Variants in CHRM3 observed in about 807,000 individuals in gnomAD.
The protein encoded by CHRM3 is muscarinic acetylcholine receptor M3.
A neutral mutation model predicts 41.8 loss-of-function variants in CHRM3; 11 were observed. The ratio of observed to expected loss-of-function variants is 0.26; its 90% confidence interval spans 0.17 to 0.44. The LOEUF (loss-of-function observed/expected upper bound fraction) is 0.44, where lower values mean the gene tolerates loss of function less well. Among genes scored for constraint, CHRM3 ranks in the 20% least tolerant of loss-of-function variants. The pLI is 1.00. For missense variants in CHRM3, 571 were observed against 745.4 expected (o/e 0.77, Z 2.72); for synonymous variants, 297 against 301.4 (o/e 0.99, Z 0.15).
At chr1:239,895,188 A>G (rs1190714921) in intron 6 of CHRM3, among the ~76,000 whole-genome samples, 1 of 152,204 alleles carries the variant, frequency 6.6e-6, no homozygotes, top group Non-Finnish European at 1.5e-5. Flanking sequence ...CTGCCCACGT[A>G]TGTAGGGATG....
intron 5 of CHRM3, among the ~76,000 whole-genome samples, chr1:239,821,186 T>C (rs956884182): frequency 1.2e-4 from 19 of 152,206 alleles, no homozygotes; most frequent in African/African-American, 4.3e-4. Flanking sequence ...AAAGGCCTGT[T>C]AACTCTATGG....
Position 239,406,175 on chromosome 1 carries a change from C to A in CHRM3, c.-521+18948C>A, listed in dbSNP as rs554959620. The stretch of plus-strand genomic sequence containing the variant: ...AAAGTGCTGGGATTACAGGCGTGAG[C>A]CACCGTGCCTGGCTGAAGTTCTTTT... On this transcript the variant is annotated intron_variant, in intron 1 of 6. Transcript: ENST00000676153. 3.2e-4 allele frequency among the ~76,000 whole-genome samples: 48 copies of A among 152,302 alleles called. 1 individual carries two copies. The Middle Eastern group carries it at 0.01, about 32-fold the overall frequency.
At chr1:239,899,151 A>T (rs1481110898) in intron 6 of CHRM3, among the ~76,000 whole-genome samples, 1 of 152,144 alleles carries the variant, frequency 6.6e-6, no homozygotes, top group Non-Finnish European at 1.5e-5. Context: ...GCAAAAATTT[A>T]ATGAAGTGAT....
At chr1:239,868,310 G>T (rs1489556692) in intron 6 of CHRM3, among the ~76,000 whole-genome samples, 1 of 152,138 alleles carries the variant, frequency 6.6e-6, no homozygotes, top group Non-Finnish European at 1.5e-5. Flanking sequence ...TGGGCATGTT[G>T]ATTTTACAGC....
chr1:239,749,931 A>T (rs1665671951), intron 5 of CHRM3, among the ~76,000 whole-genome samples: 1 of 152,250 alleles, frequency 6.6e-6, no homozygotes, highest in Non-Finnish European at 1.5e-5. Flanking sequence ...AATATTATAC[A>T]ATAATAATAC....
intron 1 of CHRM3, among the ~76,000 whole-genome samples, chr1:239,402,703 C>T (rs1039850976): frequency 5.3e-5 from 8 of 152,182 alleles, no homozygotes; most frequent in Admixed American, 5.2e-4. Flanking sequence ...ATGGTCGTCC[C>T]TCAGTATCCA....
At chr1:239,481,375 C>A (rs949721122) in intron 1 of CHRM3, among the ~76,000 whole-genome samples, 1 of 152,070 alleles carries the variant, frequency 6.6e-6, no homozygotes, top group Non-Finnish European at 1.5e-5. Context: ...TTTTTTACTT[C>A]ACTTTCCGTT....
chr1:239,643,410 G>T (rs1671414620), intron 4 of CHRM3, among the ~76,000 whole-genome samples: 1 of 152,186 alleles, frequency 6.6e-6, no homozygotes, highest in Non-Finnish European at 1.5e-5. Flanking sequence ...TTGAGCTGTG[G>T]TGGGCTCCAC....
intron 5 of CHRM3, among the ~76,000 whole-genome samples, chr1:239,686,007 CTG>C (rs1659110783): frequency 2.6e-5 from 4 of 151,988 alleles, no homozygotes; most frequent in Admixed American, 2.6e-4. Context: ...AACAAAAAAA[CTG>C]TGTTCTGTCG....
chr1:239,897,637 G>A (rs1679120656), intron 6 of CHRM3, among the ~76,000 whole-genome samples: 1 of 152,194 alleles, frequency 6.6e-6, no homozygotes, highest in Non-Finnish European at 1.5e-5. Flanking sequence ...CTCTTTCCCT[G>A]TTTCTCTCAG....
At chr1:239,574,723 CCTT>C (rs987246588) in intron 3 of CHRM3, among the ~76,000 whole-genome samples, 18 of 151,818 alleles carry the variant, frequency 1.2e-4, no homozygotes, top group Non-Finnish European at 2.5e-4. Flanking sequence ...GAAATAATTT[CCTT>C]CTTCTTCTTT....
chr1:239,657,577 G>A (rs1027552400), intron 4 of CHRM3, among the ~76,000 whole-genome samples: 1 of 152,216 alleles, frequency 6.6e-6, no homozygotes, highest in African/African-American at 2.4e-5. Flanking sequence ...CCACAAGGTT[G>A]CTACAAGAAC....
intron 5 of CHRM3, among the ~76,000 whole-genome samples, chr1:239,696,121 A>G (rs1660159509): frequency 6.6e-6 from 1 of 152,126 alleles, no homozygotes; most frequent in African/African-American, 2.4e-5. Context: ...TTGTTTGCTA[A>G]ATGCCTGGCC....
chr1:239,657,670 A>C (rs1464316652), intron 4 of CHRM3, among the ~76,000 whole-genome samples: 2 of 152,338 alleles, frequency 1.3e-5, no homozygotes, highest in Middle Eastern at 3.4e-3. Flanking sequence ...TAGGCATTAA[A>C]TCTCATGGCA....
At chr1:239,669,364 G>C (rs1176460418) in intron 4 of CHRM3, among the ~76,000 whole-genome samples, 2 of 152,140 alleles carry the variant, frequency 1.3e-5, no homozygotes, top group Non-Finnish European at 2.9e-5. Context: ...AGTTAACAAA[G>C]TGGCATTTCT....
chr1:239,802,127 G>A (rs1206420252), intron 5 of CHRM3, among the ~76,000 whole-genome samples: 2 of 151,940 alleles, frequency 1.3e-5, no homozygotes, highest in African/African-American at 4.9e-5. Context: ...TCTACTAAGT[G>A]AAACTTTGTA....
intron 1 of CHRM3, among the ~76,000 whole-genome samples, chr1:239,404,719 AATAT>A (rs67746016): frequency 0.23 from 21,819 of 96,900 alleles, 2,250 homozygotes; most frequent in Admixed American, 0.3. Flanking sequence ...GCTATATCTA[AATAT>A]ATATATATAT....
At chr1:239,531,168 T>C (rs1487929226) in intron 2 of CHRM3, among the ~76,000 whole-genome samples, 1 of 151,902 alleles carries the variant, frequency 6.6e-6, no homozygotes, top group Non-Finnish European at 1.5e-5. Context: ...ATATGACCCA[T>C]AATAATAATA....
intron 3 of CHRM3, among the ~76,000 whole-genome samples, chr1:239,602,110 G>GTGTGTGTATATATATATATA (rs1307023039): frequency 7.1e-5 from 8 of 112,856 alleles, no homozygotes; most frequent in African/African-American, 2.7e-4. Context: ...GTGTGTGTGT[G>GTGTGTGTATATATATATATA]TATATATATA....
Sources: gnomAD v4.1 joint callset for allele counts (sites outside exome capture counted in the v4.1 genomes callset) on GRCh38, gnomAD v4.1.1 for gene constraint, MANE v1.5 for transcripts, NCBI Gene and HGNC (gene_info 2026-07-23, HGNC 2026-07-21) for gene names.